Variants in C12orf76 observed in about 807,000 individuals in gnomAD.
The protein encoded by C12orf76 is chromosome 12 open reading frame 76.
In C12orf76, 6 loss-of-function variants were observed where a neutral mutation model predicts 6.8. The observed-to-expected ratio is 0.88, with a 90% CI of 0.48 to 1.73. C12orf76 has a LOEUF of 1.73. Ranked by LOEUF, C12orf76 falls within the 40% of genes most tolerant of loss-of-function variation. The pLI is 0.01. For synonymous variants in C12orf76, 56 were observed against 43.7 expected (o/e 1.28, Z -1.11); for missense variants, 99 against 98.2 (o/e 1.01, Z -0.03).
At chr12:110,046,168 C>T (rs542161173) in intron 1 of C12orf76, among the ~76,000 whole-genome samples, 46 of 152,100 alleles carry the variant, frequency 3.0e-4, no homozygotes, top group Non-Finnish European at 5.0e-4. Context: ...TGGCTCACAC[C>T]TGTAATCCCA....
intron 2 of C12orf76, among the ~76,000 whole-genome samples, chr12:110,060,759 G>T (rs956446651): frequency 6.6e-6 from 1 of 151,970 alleles, no homozygotes; most frequent in African/African-American, 2.4e-5. Flanking sequence ...TCTCAGGCCA[G>T]GCGCAGTGGT....
chr12:110,043,983 A>AG (rs962311795), intron 1 of C12orf76: 8 of 151,918 alleles, frequency 5.3e-5, no homozygotes, highest in Non-Finnish European at 1.0e-4. Context: ...CTGGTGATAC[A>AG]GGATAAGGAC....
upstream of C12orf76, chr12:110,051,032 C>G: frequency 1.3e-6 from 1 of 778,398 alleles, no homozygotes; most frequent in Non-Finnish European, 2.4e-6. Context: ...ATGTTAAAGA[C>G]ACTGTGCACC....
chr12:110,068,246 G>GAAAGAAGAAGAAGAA (rs1344291211), upstream of C12orf76, among the ~76,000 whole-genome samples: 46 of 99,162 alleles, frequency 4.6e-4, 1 homozygote, highest in African/African-American at 9.9e-4. Flanking sequence ...AGAAGAAGAA[G>GAAAGAAGAAGAAGAA]AAAGAAGAAG....
chr12:110,066,348 G>A (rs1158154795), intron 1 of C12orf76, among the ~76,000 whole-genome samples: 1 of 111,036 alleles, frequency 9.0e-6, no homozygotes, highest in Admixed American at 1.2e-4. Context: ...CAGCCTAGGT[G>A]ACAAAGCAAG....
chr12:110,057,444 G>C, intron 3 of C12orf76: 1 of 626,518 alleles, frequency 1.6e-6, no homozygotes, highest in Non-Finnish European at 2.9e-6. Flanking sequence ...TGCCTGCAGT[G>C]CGGCACGGAG....
chr12:110,065,359 C>T (rs575990697), intron 2 of C12orf76, among the ~76,000 whole-genome samples: 6 of 151,976 alleles, frequency 3.9e-5, no homozygotes, highest in South Asian at 4.2e-4. Context: ...TTAGTAGAGA[C>T]GGGGTTTTGC....
intron 2 of C12orf76, among the ~76,000 whole-genome samples, chr12:110,062,688 C>T (rs1300105294): frequency 2.7e-5 from 4 of 150,056 alleles, no homozygotes; most frequent in Admixed American, 6.7e-5. Flanking sequence ...GGCATAAACA[C>T]GACTCACTGC....
upstream of C12orf76, chr12:110,050,857 C>T (rs558493609): frequency 2.8e-5 from 17 of 606,232 alleles, no homozygotes; most frequent in South Asian, 1.4e-4. Flanking sequence ...GATCCAAGAA[C>T]CCCCTCTTGG....
At chr12:110,070,032 T>C (rs1892942953), upstream of C12orf76, among the ~76,000 whole-genome samples, 1 of 151,968 alleles carries the variant, frequency 6.6e-6, no homozygotes, top group Non-Finnish European at 1.5e-5. Context: ...ATGGACTGCT[T>C]GAGCTCAGGA....
chr12:110,066,035 T>A (rs922181863), intron 1 of C12orf76: 1 of 1,574,424 alleles, frequency 6.4e-7, no homozygotes, highest in Admixed American at 1.8e-5. Context: ...TCACATCACC[T>A]AGGTGTCAAG....
At chr12:110,066,486 G>A (rs1892865390) in intron 1 of C12orf76, among the ~76,000 whole-genome samples, 1 of 146,744 alleles carries the variant, frequency 6.8e-6, no homozygotes, top group Non-Finnish European at 1.5e-5. Flanking sequence ...TCGGGAGTTT[G>A]AGACCAGCCT....
exon 2 of C12orf76, chr12:110,065,887 G>C: frequency 6.2e-7 from 1 of 1,614,114 alleles, no homozygotes; most frequent in Non-Finnish European, 8.5e-7. Context: ...TGTCCTTGCT[G>C]TTCCTCTTTT....
At chr12:110,068,330 A>AGAAGAG (rs1566080349), upstream of C12orf76, among the ~76,000 whole-genome samples, 1 of 116,770 alleles carries the variant, frequency 8.6e-6, no homozygotes, top group Admixed American at 8.2e-5. Context: ...AAGAAGAAGA[A>AGAAGAG]GGCGGCCAAA....
At chr12:110,044,549 A>T (rs936957676) in intron 1 of C12orf76, 1 of 154,150 alleles carries the variant, frequency 6.5e-6, no homozygotes, top group African/African-American at 2.4e-5. Context: ...AAAAAAAAGA[A>T]AACAAAACAA....
chr12:110,046,726 G>T (rs919441415), intron 1 of C12orf76, among the ~76,000 whole-genome samples: 3 of 152,196 alleles, frequency 2.0e-5, no homozygotes, highest in Non-Finnish European at 4.4e-5. Flanking sequence ...ACACTGGTCT[G>T]CAGACTACCC....
At chr12:110,047,023 C>G (rs761867544) in intron 1 of C12orf76, among the ~76,000 whole-genome samples, 1 of 152,066 alleles carries the variant, frequency 6.6e-6, no homozygotes, top group Non-Finnish European at 1.5e-5. Context: ...TAGTAGAGTG[C>G]TAGGTACACA....
chr12:110,063,622 A>ATTTC, intron 2 of C12orf76, among the ~76,000 whole-genome samples: 1 of 146,724 alleles, frequency 6.8e-6, no homozygotes, highest in African/African-American at 2.5e-5. Context: ...TTATTTATTT[A>ATTTC]TTTATTTATT....
upstream of C12orf76, among the ~76,000 whole-genome samples, chr12:110,069,400 A>G (rs1892934437): frequency 6.6e-6 from 1 of 152,238 alleles, no homozygotes. Context: ...AGATCACACC[A>G]TCGCACTCCA....
Sources: allele counts gnomAD v4.1 joint callset (sites outside exome capture counted in the v4.1 genomes callset), GRCh38; gene constraint gnomAD v4.1.1; transcripts MANE v1.5; gene names NCBI Gene and HGNC (gene_info 2026-07-23, HGNC 2026-07-21).